MLLT3: variants seen among roughly 807,000 people sequenced by gnomAD.
MLLT3 encodes protein AF-9.
A neutral mutation model predicts 53.2 loss-of-function variants in MLLT3; 4 were observed. The observed-to-expected ratio is 0.08, with a 90% CI of 0.04 to 0.17. MLLT3 has a LOEUF of 0.17. Ranked by LOEUF, MLLT3 falls within the 10% of genes least tolerant of loss-of-function variation. MLLT3 has a pLI of 1.00. For missense variants in MLLT3, 569 were observed against 684.0 expected, an observed-to-expected ratio of 0.83 and a Z score of 1.87; for synonymous variants, 283 against 230.6, an observed-to-expected ratio of 1.23 and a Z score of -2.06.
At chr9:20,390,498 C>T (rs781691870) in intron 5 of MLLT3, among the ~76,000 whole-genome samples, 1 of 152,114 alleles carries the variant, frequency 6.6e-6, no homozygotes, top group Non-Finnish European at 1.5e-5. Flanking sequence ...TTATTGAATG[C>T]CTACTATGTG....
At chr9:20,445,094 TA>T (rs564170222) in intron 4 of MLLT3, among the ~76,000 whole-genome samples, 59 of 144,978 alleles carry the variant, frequency 4.1e-4, no homozygotes, top group Non-Finnish European at 3.7e-4. Context: ...CCATCTCAAT[TA>T]AAAAAAAAAA....
rs200882010 is a variant in MLLT3, at chr9:20,613,103, CG to C, written c.193+7550del. ...AAGCAGAAGAAATTAAAGAGAATGA[CG>C]TGGCTCTTTATAGATGAAATGTGGA... On this transcript the variant is annotated intron_variant, in intron 2 of 10. Coordinates refer to ENST00000380338, the MANE Select transcript of MLLT3 (RefSeq NM_004529.4). 5.1e-3 allele frequency among the ~76,000 whole-genome samples: 772 copies of C among 152,170 alleles called. 2 individuals are homozygous for C. Among genetic ancestry groups the C allele is most frequent in the Middle Eastern group, 0.01 (3 of 294 alleles).
intron 7 of MLLT3, among the ~76,000 whole-genome samples, chr9:20,361,866 T>C (rs1285658075): frequency 6.6e-6 from 1 of 152,168 alleles, no homozygotes; most frequent in African/African-American, 2.4e-5. Flanking sequence ...ATCAGGATAG[T>C]TTTTCTTTCA....
At chr9:20,562,430 G>T (rs1819240653) in intron 2 of MLLT3, among the ~76,000 whole-genome samples, 1 of 151,780 alleles carries the variant, frequency 6.6e-6, no homozygotes, top group Admixed American at 6.6e-5. Context: ...AACATGTAAA[G>T]GAATTTAAAA....
intron 10 of MLLT3, among the ~76,000 whole-genome samples, chr9:20,349,291 A>C (rs1204467689): frequency 6.6e-6 from 1 of 152,226 alleles, no homozygotes; most frequent in African/African-American, 2.4e-5. Context: ...GCAGATGATC[A>C]AATAAGGTAT....
At chr9:20,380,712 G>A (rs1455655368) in intron 5 of MLLT3, among the ~76,000 whole-genome samples, 2 of 151,920 alleles carry the variant, frequency 1.3e-5, no homozygotes, top group Non-Finnish European at 1.5e-5. Flanking sequence ...AACACAGACC[G>A]TTCTTTTCAC....
chr9:20,445,577 T>C (rs1338066487), intron 4 of MLLT3, among the ~76,000 whole-genome samples: 2 of 152,150 alleles, frequency 1.3e-5, no homozygotes, highest in African/African-American at 2.4e-5. Flanking sequence ...TCCAAGATGC[T>C]CCCAGCTCTA....
intron 4 of MLLT3, among the ~76,000 whole-genome samples, chr9:20,425,292 G>C (rs1404511924): frequency 6.6e-6 from 1 of 152,130 alleles, no homozygotes; most frequent in African/African-American, 2.4e-5. Context: ...ATAGCATATA[G>C]TTAGGAAACT....
intron 2 of MLLT3, among the ~76,000 whole-genome samples, chr9:20,502,828 A>T (rs553677789): frequency 2.2e-4 from 34 of 152,352 alleles, no homozygotes; most frequent in African/African-American, 8.2e-4. Context: ...TGTTAGAACT[A>T]ATAAATAAAT....
At chr9:20,427,994 A>G (rs1823178085) in intron 4 of MLLT3, among the ~76,000 whole-genome samples, 1 of 152,090 alleles carries the variant, frequency 6.6e-6, no homozygotes, top group Non-Finnish European at 1.5e-5. Flanking sequence ...GATGGCAGAA[A>G]TAATTCATAA....
chr9:20,385,744 ATCCTAGGATAATG>A (rs1257650877), intron 5 of MLLT3, among the ~76,000 whole-genome samples: 1 of 152,138 alleles, frequency 6.6e-6, no homozygotes, highest in African/African-American at 2.4e-5. Context: ...GGGAGACACT[ATCCTAGGATAATG>A]TTTTCTCAAG....
At chr9:20,360,721 A>C in intron 8 of MLLT3, 21 bp downstream of exon 8, 1 of 1,595,472 alleles carries the variant, frequency 6.3e-7, no homozygotes, top group Non-Finnish European at 8.6e-7. Context: ...AGTCTTGCAA[A>C]GTGCAAACCC....
At chr9:20,551,398 G>A (rs1458640660) in intron 2 of MLLT3, among the ~76,000 whole-genome samples, 2 of 152,138 alleles carry the variant, frequency 1.3e-5, no homozygotes, top group East Asian at 3.9e-4. Context: ...AAAAGGTGAT[G>A]TTTCATTTTC....
chr9:20,596,173 T>C (rs1194792413), intron 2 of MLLT3, among the ~76,000 whole-genome samples: 1 of 152,216 alleles, frequency 6.6e-6, no homozygotes, highest in East Asian at 1.9e-4. Context: ...GTATCAGGAA[T>C]TGCCTCCATT....
chr9:20,570,546 G>T (rs755316549), intron 2 of MLLT3, among the ~76,000 whole-genome samples: 2 of 152,110 alleles, frequency 1.3e-5, no homozygotes. Flanking sequence ...TTTCTGGAAT[G>T]TCTATAACAA....
intron 2 of MLLT3, among the ~76,000 whole-genome samples, chr9:20,580,556 C>T (rs1027152399): frequency 1.3e-5 from 2 of 152,098 alleles, no homozygotes; most frequent in Admixed American, 6.6e-5. Flanking sequence ...GCAGTTTTAT[C>T]TGGAACCTGT....
chr9:20,431,401 C>A (rs1229281010), intron 4 of MLLT3, among the ~76,000 whole-genome samples: 1 of 152,046 alleles, frequency 6.6e-6, no homozygotes, highest in Non-Finnish European at 1.5e-5. Flanking sequence ...CACTGAGTTA[C>A]AGCAGTATTA....
intron 2 of MLLT3, among the ~76,000 whole-genome samples, chr9:20,469,658 A>C (rs1327953390): frequency 6.6e-6 from 1 of 152,048 alleles, no homozygotes; most frequent in African/African-American, 2.4e-5. Flanking sequence ...ACAAAGGTCA[A>C]ACAAGAGAAT....
chr9:20,556,654 G>A (rs562527648), intron 2 of MLLT3, among the ~76,000 whole-genome samples: 1 of 152,138 alleles, frequency 6.6e-6, no homozygotes, highest in African/African-American at 2.4e-5. Context: ...CTGCACTCCA[G>A]CCTGGGCGAA....
Sources: gnomAD v4.1 joint callset for allele counts (sites outside exome capture counted in the v4.1 genomes callset) on GRCh38, gnomAD v4.1.1 for gene constraint, MANE v1.5 for transcripts, NCBI Gene and HGNC (gene_info 2026-07-23, HGNC 2026-07-21) for gene names.